PLAUR: variants seen among roughly 807,000 people sequenced by gnomAD.
PLAUR encodes plasminogen activator, urokinase receptor.
In PLAUR, 22 loss-of-function variants were observed where a neutral mutation model predicts 33.4. The observed-to-expected ratio is 0.66, with a 90% CI of 0.47 to 0.94. The LOEUF (loss-of-function observed/expected upper bound fraction) is 0.94, where lower values mean the gene tolerates loss of function less well. Among genes scored for constraint, PLAUR ranks in the 40% least tolerant of loss-of-function variants. PLAUR has a pLI of 0.00. For missense variants in PLAUR, 408 were observed against 434.7 expected, an observed-to-expected ratio of 0.94 and a Z score of 0.55; for synonymous variants, 148 against 167.3, an observed-to-expected ratio of 0.88 and a Z score of 0.89.
intron 4 of PLAUR, among the ~76,000 whole-genome samples, chr19:43,656,059 C>G (rs572667141): frequency 8.6e-5 from 13 of 151,994 alleles, no homozygotes; most frequent in Non-Finnish European, 1.3e-4. Flanking sequence ...TTGAGACCAG[C>G]CTGACCAACA....
intron 6 of PLAUR, among the ~76,000 whole-genome samples, chr19:43,650,279 T>G (rs1297998745): frequency 4.0e-5 from 6 of 149,480 alleles, no homozygotes; most frequent in South Asian, 4.2e-4. Flanking sequence ...AAAGTGCTGG[T>G]ATTACAGGCG....
intron 3 of PLAUR, among the ~76,000 whole-genome samples, chr19:43,662,919 G>C (rs2146265716): frequency 6.6e-6 from 1 of 152,218 alleles, no homozygotes; most frequent in Admixed American, 6.5e-5. Flanking sequence ...TGCCTAGGCT[G>C]GTCTGAAACA....
chr19:43,652,263 C>A lies in PLAUR; in HGVS notation c.716G>T (p.Gly239Val), dbSNP rs767763381. The change falls in exon 6 of 7, where the codon GGC (glycine) becomes GTC (valine). Residue 239 changes from glycine (G) to valine (V), a missense_variant. Coordinates refer to ENST00000340093, the MANE Select transcript of PLAUR (RefSeq NM_002659.4). ...SEETFLIDCR[G>V]PMNQCLVATG... ...GGCTACCAGACATTGATTCATGGGG[C>A]CTCGGCAGTCAATGAGGAAAGTCTC... The A allele has an allele frequency of 6.2e-7, 1 of 1,614,016 alleles. No individual in the cohort carries two copies. Among genetic ancestry groups the A allele is most frequent in the Admixed American group, 1.7e-5 (1 of 59,990 alleles).
intron 3 of PLAUR, among the ~76,000 whole-genome samples, chr19:43,664,785 C>T (rs990322061): frequency 5.9e-5 from 9 of 152,194 alleles, no homozygotes; most frequent in Admixed American, 5.2e-4. Context: ...CTTGGACCAT[C>T]TCCCGTCCCA....
At chr19:43,653,589 G>A (rs1463134056) in intron 5 of PLAUR, among the ~76,000 whole-genome samples, 1 of 150,182 alleles carries the variant, frequency 6.7e-6, no homozygotes, top group Admixed American at 6.7e-5. Context: ...AACCTGGGAG[G>A]CGGAGGTTGC....
At chr19:43,664,971 G>A (rs997540509) in intron 3 of PLAUR, 3 of 298,502 alleles carry the variant, frequency 1.0e-5, no homozygotes, top group African/African-American at 6.3e-5. Flanking sequence ...AAGTAATTGT[G>A]TCGTTGGGGT....
intron 4 of PLAUR, among the ~76,000 whole-genome samples, chr19:43,656,188 G>A (rs1016689972): frequency 1.3e-5 from 2 of 151,398 alleles, no homozygotes; most frequent in East Asian, 3.8e-4. Flanking sequence ...GGGAGGCGGA[G>A]GTTGCAGCCA....
chr19:43,652,991 T>G (rs563478796), intron 5 of PLAUR, among the ~76,000 whole-genome samples: 2 of 152,102 alleles, frequency 1.3e-5, no homozygotes, highest in African/African-American at 2.4e-5. Context: ...CTAAAAAATT[T>G]TTTTTGAGAC....
In PLAUR at chr19:43,656,653, G is replaced by C. The variant is rs374333275; in HGVS notation, c.311-13C>G. 21 of 1,576,906 alleles carry C rather than the reference G, an allele frequency of 1.3e-5. No homozygotes were observed. Among genetic ancestry groups the C allele is most frequent in the Admixed American group, 8.8e-5 (5 of 56,850 alleles). ...GTGACAGCCCGGCCTGTTTGGAAGAGGGGGAGGGGAGTGAGACTCCATGGG... is the reference window on the plus strand; with the variant it reads ...GTGACAGCCCGGCCTGTTTGGAAGACGGGGAGGGGAGTGAGACTCCATGGG... On this transcript the variant is annotated splice_polypyrimidine_tract_variant and intron_variant, in intron 3 of 6. Transcript: ENST00000340093.
rs750890590 is a variant in PLAUR at position 43,655,493 on chromosome 19, CGTT to C, written c.550_552del (p.Asn184del). The C allele has an allele frequency of 3.1e-6, 5 of 1,614,146 alleles. No homozygotes were observed. Among genetic ancestry groups the C allele is most frequent in the African/African-American group, 2.7e-5 (2 of 75,052 alleles). On this transcript the variant is annotated inframe_deletion, in exon 5 of 7. Transcript: ENST00000340093. ...CAGCATTTCAGGAAGTGGAAGGTGT[CGTT>C]GTTGTGGAAACCATTGGAGCCCGGG...
chr19:43,667,474 T>G, intron 2 of PLAUR, 107 bp downstream of exon 2: 1 of 748,616 alleles, frequency 1.3e-6, no homozygotes, highest in Non-Finnish European at 2.3e-6. Flanking sequence ...GCTCTCCTTG[T>G]TTGTTTGTTT....
At chr19:43,659,703 C>T (rs4251856) in intron 3 of PLAUR, among the ~76,000 whole-genome samples, 1,622 of 152,294 alleles carry the variant, frequency 0.011, 26 homozygotes, top group African/African-American at 0.037. Context: ...GCGTCCAAGG[C>T]GGCCCCATCC....
intron 1 of PLAUR, among the ~76,000 whole-genome samples, chr19:43,668,599 C>T (rs1967374715): frequency 7.0e-6 from 1 of 142,818 alleles, no homozygotes; most frequent in South Asian, 2.2e-4. Context: ...GAGGTCGTAA[C>T]CCCCGCCCCT....
intron 4 of PLAUR, 140 bp from the exon 5 acceptor site, chr19:43,655,713 T>G: frequency 1.3e-6 from 1 of 756,656 alleles, no homozygotes; most frequent in Non-Finnish European, 2.1e-6. Flanking sequence ...AGAACAGTCA[T>G]AGATCTTGTC....
chr19:43,646,884 G>T, downstream of PLAUR, among the ~76,000 whole-genome samples: 1 of 147,036 alleles, frequency 6.8e-6, no homozygotes, highest in Non-Finnish European at 1.5e-5. Context: ...GGGTTCAAGC[G>T]ATTCTCCTGC....
intron 3 of PLAUR, among the ~76,000 whole-genome samples, chr19:43,664,194 C>A (rs143696935): frequency 2.0e-5 from 3 of 151,722 alleles, no homozygotes; most frequent in African/African-American, 4.8e-5. Context: ...GCCCCACCAG[C>A]GGATTAGTGT....
intron 1 of PLAUR, among the ~76,000 whole-genome samples, chr19:43,669,088 G>GT (rs2146299049): frequency 1.3e-5 from 2 of 151,812 alleles, no homozygotes; most frequent in African/African-American, 4.8e-5. Flanking sequence ...CGCTTTCCGG[G>GT]TTATTCATCG....
intron 6 of PLAUR, among the ~76,000 whole-genome samples, chr19:43,650,991 C>T (rs1246651336): frequency 6.6e-6 from 1 of 150,794 alleles, no homozygotes; most frequent in East Asian, 2.0e-4. Context: ...TGAGACCATG[C>T]CACTGCACTC....
intron 5 of PLAUR, among the ~76,000 whole-genome samples, chr19:43,653,663 A>C (rs1286597603): frequency 6.6e-6 from 1 of 151,218 alleles, no homozygotes; most frequent in African/African-American, 2.4e-5. Flanking sequence ...CATCTAAAAA[A>C]AGAAAGAAAG....
Sources: gnomAD v4.1 joint callset for allele counts (sites outside exome capture counted in the v4.1 genomes callset) on GRCh38, gnomAD v4.1.1 for gene constraint, MANE v1.5 for transcripts, NCBI Gene and HGNC (gene_info 2026-07-23, HGNC 2026-07-21) for gene names.